The following JMJD1C variants were observed in gnomAD, a reference collection of about 807,000 sequenced individuals.
The protein encoded by JMJD1C is jumonji domain-containing protein 1C.
JMJD1C carries 31 observed loss-of-function variants against 245.3 expected under a neutral mutation model. That is an observed-to-expected ratio of 0.13 (90% CI 0.09 to 0.17). JMJD1C has a LOEUF of 0.17. Among genes scored for constraint, JMJD1C ranks in the 10% least tolerant of loss-of-function variants. The probability of loss-of-function intolerance (pLI) is 1.00; values close to 1 mark genes in which losing one functional copy is unlikely to be tolerated. For missense variants in JMJD1C, 2,691 were observed against 3,000.2 expected (o/e 0.90, Z 2.41); for synonymous variants, 1,057 against 1,017.4 (o/e 1.04, Z -0.74).
chr10:63,268,461 G>A (rs975447963), intron 2 of JMJD1C, among the ~76,000 whole-genome samples: 4 of 152,012 alleles, frequency 2.6e-5, no homozygotes, highest in Non-Finnish European at 4.4e-5. Context: ...AATTAAACTC[G>A]TTTTTTAACA....
chr10:63,460,361 A>T (rs971351326), intron 1 of JMJD1C, among the ~76,000 whole-genome samples: 1 of 152,132 alleles, frequency 6.6e-6, no homozygotes, highest in Non-Finnish European at 1.5e-5. Flanking sequence ...TACAAAAAAA[A>T]ATTTAAAAAT....
At chr10:63,444,287 A>G (rs1157733050) in intron 1 of JMJD1C, among the ~76,000 whole-genome samples, 1 of 151,948 alleles carries the variant, frequency 6.6e-6, no homozygotes, top group Non-Finnish European at 1.5e-5. Flanking sequence ...TTATTTATTT[A>G]TTTTGAGATA....
intron 1 of JMJD1C, among the ~76,000 whole-genome samples, chr10:63,431,913 G>A (rs1049088740): frequency 6.6e-6 from 1 of 152,240 alleles, no homozygotes; most frequent in Non-Finnish European, 1.5e-5. Context: ...TCGGGAGGCT[G>A]AGGCAGGACA....
intron 1 of JMJD1C, among the ~76,000 whole-genome samples, chr10:63,462,603 T>G (rs1432684540): frequency 6.6e-6 from 1 of 151,946 alleles, no homozygotes; most frequent in Non-Finnish European, 1.5e-5. Flanking sequence ...CACTTACAAG[T>G]GTAATGGGGA....
intron 1 of JMJD1C, 55 bp downstream of exon 1, chr10:63,465,440 T>C (rs1254457219): frequency 3.3e-6 from 5 of 1,503,562 alleles, no homozygotes; most frequent in Non-Finnish European, 4.5e-6. Flanking sequence ...AAGGTACGTC[T>C]GCGAGAGCCG....
At chr10:63,465,210 CG>C (rs1196550036) in intron 1 of JMJD1C, 1 of 381,322 alleles carries the variant, frequency 2.6e-6, no homozygotes, top group African/African-American at 2.1e-5. Context: ...GCCGCCCAGG[CG>C]CCACAGCGGG....
intron 16 of JMJD1C, among the ~76,000 whole-genome samples, chr10:63,191,344 G>C (rs1339140822): frequency 6.6e-6 from 1 of 152,082 alleles, no homozygotes; most frequent in African/African-American, 2.4e-5. Context: ...ATGTTGGTCA[G>C]GCTGGTCTTG....
intron 14 of JMJD1C, among the ~76,000 whole-genome samples, chr10:63,193,804 C>T (rs2133017214): frequency 6.6e-6 from 1 of 152,112 alleles, no homozygotes; most frequent in East Asian, 1.9e-4. Context: ...GTAGCTGGGA[C>T]TACAGGCACC....
intron 8 of JMJD1C, among the ~76,000 whole-genome samples, chr10:63,211,137 C>T (rs1206620685): frequency 6.6e-6 from 1 of 152,192 alleles, no homozygotes; most frequent in East Asian, 1.9e-4. Flanking sequence ...CAAGATGCAT[C>T]ATCAACCACT....
intron 1 of JMJD1C, among the ~76,000 whole-genome samples, chr10:63,442,159 T>A (rs766452104): frequency 6.6e-6 from 1 of 152,146 alleles, no homozygotes; most frequent in Non-Finnish European, 1.5e-5. Flanking sequence ...ACTGATCTAA[T>A]CAAGAGTTGA....
At chr10:63,283,718 A>G (rs899295550) in intron 2 of JMJD1C, among the ~76,000 whole-genome samples, 3 of 152,130 alleles carry the variant, frequency 2.0e-5, no homozygotes, top group African/African-American at 4.8e-5. Flanking sequence ...AATTCTCAGA[A>G]TCATTCTTCC....
At position 63,243,103 on chromosome 10, in the gene JMJD1C, TTATA is replaced by T. The variant is rs10607355; in HGVS notation, c.447+21544_447+21547del. On this transcript the variant is annotated intron_variant, in intron 3 of 25. Coordinates refer to ENST00000399262, the MANE Select transcript of JMJD1C (RefSeq NM_032776.3). Reference sequence around the variant, plus strand: ...AAGAGCCAAAATACACTAACATAAATTATATATATATATATATATATAAATATAT... The same window carrying T: ...AAGAGCCAAAATACACTAACATAAATTATATATATATATATATAAATATAT... 1.3e-3 allele frequency among the ~76,000 whole-genome samples: 159 copies of T among 120,116 alleles called. 3 individuals carry two copies. The highest frequency in any genetic ancestry group is 2.4e-3 in the Non-Finnish European group (134 of 56,238). 78.8% of individuals were successfully genotyped at this position (120,116 alleles called of 152,430 possible).
At chr10:63,355,159 C>CT (rs1235258007) in intron 2 of JMJD1C, among the ~76,000 whole-genome samples, 1 of 151,798 alleles carries the variant, frequency 6.6e-6, no homozygotes, top group African/African-American at 2.4e-5. Flanking sequence ...AACTTATCTA[C>CT]TTTTTTTTAA....
chr10:63,494,590 T>C (rs976134631), intron 1 of JMJD1C, among the ~76,000 whole-genome samples: 1 of 152,216 alleles, frequency 6.6e-6, no homozygotes, highest in African/African-American at 2.4e-5. Flanking sequence ...GATTGTGATT[T>C]GGCAGTATCC....
chr10:63,223,777 G>A (rs1255070275), intron 3 of JMJD1C, among the ~76,000 whole-genome samples: 1 of 151,670 alleles, frequency 6.6e-6, no homozygotes, highest in Non-Finnish European at 1.5e-5. Context: ...GTTTTGAGAT[G>A]GAGTCTCACT....
intron 1 of JMJD1C, among the ~76,000 whole-genome samples, chr10:63,410,262 C>T (rs1949405237): frequency 6.6e-6 from 1 of 152,126 alleles, no homozygotes; most frequent in Admixed American, 6.6e-5. Flanking sequence ...TATTGCATGG[C>T]TTTTGTGTAC....
intron 1 of JMJD1C, among the ~76,000 whole-genome samples, chr10:63,391,277 G>A (rs374584497): frequency 5.4e-4 from 82 of 152,250 alleles, no homozygotes; most frequent in African/African-American, 1.9e-3. Flanking sequence ...TTGGGAGGCC[G>A]AGGCGGGTGG....
At chr10:63,289,930 T>C (rs1045098936) in intron 2 of JMJD1C, among the ~76,000 whole-genome samples, 1 of 151,560 alleles carries the variant, frequency 6.6e-6, no homozygotes, top group African/African-American at 2.4e-5. Flanking sequence ...TTTAAATATA[T>C]AATAAAAGAG....
intron 2 of JMJD1C, among the ~76,000 whole-genome samples, chr10:63,322,292 A>T (rs1589473751): frequency 6.6e-6 from 1 of 152,202 alleles, no homozygotes; most frequent in Non-Finnish European, 1.5e-5. Flanking sequence ...AATTTTCAGA[A>T]TTTTTTTCCT....
Sources: gnomAD v4.1 joint callset for allele counts (sites outside exome capture counted in the v4.1 genomes callset) on GRCh38, gnomAD v4.1.1 for gene constraint, MANE v1.5 for transcripts, NCBI Gene and HGNC (gene_info 2026-07-23, HGNC 2026-07-21) for gene names.